CNTN4: variants seen among roughly 807,000 people sequenced by gnomAD.
CNTN4 encodes contactin-4.
A neutral mutation model predicts 122.5 loss-of-function variants in CNTN4; 77 were observed. The observed-to-expected ratio is 0.63, with a 90% CI of 0.52 to 0.76. The LOEUF (loss-of-function observed/expected upper bound fraction) is 0.76, where lower values mean the gene tolerates loss of function less well. Ranked by LOEUF, CNTN4 falls within the 30% of genes least tolerant of loss-of-function variation. CNTN4 has a pLI of 0.00. For missense variants in CNTN4, 1,256 were observed against 1,259.1 expected, an observed-to-expected ratio of 1.00 and a Z score of 0.04; for synonymous variants, 512 against 447.0, an observed-to-expected ratio of 1.15 and a Z score of -1.83.
At chr3:2,507,755 G>C (rs917372176) in intron 3 of CNTN4, among the ~76,000 whole-genome samples, 1 of 142,808 alleles carries the variant, frequency 7.0e-6, no homozygotes, top group Non-Finnish European at 1.5e-5. Context: ...AAAAAAGAAA[G>C]AAAGAAAAAA....
intron 6 of CNTN4, among the ~76,000 whole-genome samples, chr3:2,762,808 T>C (rs975673749): frequency 1.2e-4 from 18 of 152,154 alleles, no homozygotes. Context: ...ATATAAGTCT[T>C]CATTTTTCTC....
chr3:2,393,325 G>A (rs991112471), intron 3 of CNTN4, among the ~76,000 whole-genome samples: 1 of 152,118 alleles, frequency 6.6e-6, no homozygotes, highest in Admixed American at 6.6e-5. Flanking sequence ...GTCACATTCT[G>A]AGCTGCTGAA....
chr3:2,967,374 G>C (rs912141490), intron 13 of CNTN4, among the ~76,000 whole-genome samples: 1 of 152,146 alleles, frequency 6.6e-6, no homozygotes, highest in Non-Finnish European at 1.5e-5. Flanking sequence ...GCAGTTTGGG[G>C]AGGGAAGAAT....
At chr3:2,379,852 C>T (rs191162905) in intron 3 of CNTN4, among the ~76,000 whole-genome samples, 5 of 151,960 alleles carry the variant, frequency 3.3e-5, no homozygotes, top group Admixed American at 6.6e-5. Context: ...GTGGGGAGTT[C>T]GAGACCAACC....
At chr3:2,620,009 AC>A (rs1246538374) in intron 4 of CNTN4, among the ~76,000 whole-genome samples, 17 of 1,734 alleles carry the variant, frequency 9.8e-3, no homozygotes, top group Admixed American at 0.075. Flanking sequence ...TCAAATATGT[AC>A]CCAAGTAGTA....
intron 13 of CNTN4, among the ~76,000 whole-genome samples, chr3:2,931,212 GA>G (rs1204508435): frequency 1.3e-5 from 2 of 152,190 alleles, no homozygotes; most frequent in Non-Finnish European, 2.9e-5. Flanking sequence ...TCCTGAGAGT[GA>G]AAGAGAGAAG....
intron 2 of CNTN4, among the ~76,000 whole-genome samples, chr3:2,302,282 A>T (rs2150078591): frequency 6.6e-6 from 1 of 152,232 alleles, no homozygotes; most frequent in Admixed American, 6.5e-5. Context: ...TACAAAACTT[A>T]GCCGGCATGG....
intron 16 of CNTN4, among the ~76,000 whole-genome samples, chr3:3,032,202 G>A (rs1574874377): frequency 6.6e-6 from 1 of 152,174 alleles, no homozygotes; most frequent in Non-Finnish European, 1.5e-5. Context: ...TTATAGAAAT[G>A]TGTTTATTTC....
intron 6 of CNTN4, among the ~76,000 whole-genome samples, chr3:2,811,917 T>C (rs2092622381): frequency 6.6e-6 from 1 of 152,140 alleles, no homozygotes; most frequent in Non-Finnish European, 1.5e-5. Context: ...CTGCCTGCCT[T>C]GGCCTCCCAA....
chr3:2,258,809 A>C (rs2040705613), intron 2 of CNTN4, among the ~76,000 whole-genome samples: 1 of 151,932 alleles, frequency 6.6e-6, no homozygotes, highest in Non-Finnish European at 1.5e-5. Flanking sequence ...TTATTTATAT[A>C]TTGATTTCTT....
intron 3 of CNTN4, among the ~76,000 whole-genome samples, chr3:2,382,849 G>T (rs544006274): frequency 2.0e-5 from 3 of 152,168 alleles, no homozygotes; most frequent in Non-Finnish European, 4.4e-5. Context: ...CGAGGCGGGC[G>T]GATCACCTGA....
rs951192515 is a variant in CNTN4, at chr3:3,057,692, C to G, written c.*1472C>G. 15 of 152,426 alleles carry G rather than the reference C, an allele frequency of 9.8e-5. No homozygotes were observed. The highest frequency in any genetic ancestry group is 1.0e-4 in the Non-Finnish European group (7 of 68,010). The allele number at this position is 152,426 out of a possible 1,614,324, so 9.4% of individuals were successfully genotyped here. A position where few individuals can be genotyped will look rare whatever the true frequency, so the allele number is the denominator to read the frequency against. Reference sequence around the variant, plus strand: ...ATCCAATAAAGTCATAATCGGGATTCCATTTGTGTAAAAACTAGGGTGGTA... The same window carrying G: ...ATCCAATAAAGTCATAATCGGGATTGCATTTGTGTAAAAACTAGGGTGGTA... On this transcript the variant is annotated 3_prime_UTR_variant, in exon 25 of 25. Coordinates refer to ENST00000418658, the MANE Select transcript of CNTN4 (RefSeq NM_175607.3).
At chr3:2,846,889 A>G (rs1414697338) in intron 7 of CNTN4, among the ~76,000 whole-genome samples, 1 of 152,136 alleles carries the variant, frequency 6.6e-6, no homozygotes, top group Non-Finnish European at 1.5e-5. Flanking sequence ...CCAGCTACTC[A>G]GGAAGGCTGA....
intron 2 of CNTN4, among the ~76,000 whole-genome samples, chr3:2,175,886 CA>C (rs1338776900): frequency 1.1e-4 from 17 of 152,128 alleles, no homozygotes; most frequent in African/African-American, 3.9e-4. Context: ...GCAAAAAATT[CA>C]ATGTAAATAA....
At chr3:3,046,371 C>A (rs553603413) in intron 23 of CNTN4, among the ~76,000 whole-genome samples, 1 of 152,214 alleles carries the variant, frequency 6.6e-6, no homozygotes, top group East Asian at 1.9e-4. Flanking sequence ...TTAAGGGCAG[C>A]CAGAGAGAAA....
chr3:2,302,948 A>G (rs2042576790), intron 2 of CNTN4, among the ~76,000 whole-genome samples: 1 of 152,216 alleles, frequency 6.6e-6, no homozygotes, highest in African/African-American at 2.4e-5. Context: ...TGTTTTGTAT[A>G]ATGGTGGAGC....
intron 4 of CNTN4, among the ~76,000 whole-genome samples, chr3:2,656,360 A>G (rs1050193168): frequency 6.6e-6 from 1 of 152,244 alleles, no homozygotes; most frequent in South Asian, 2.1e-4. Context: ...AGTTATGTTT[A>G]TAATCCCAGA....
intron 4 of CNTN4, among the ~76,000 whole-genome samples, chr3:2,705,605 TTATATATTTATATATAATATATAAATA>T (rs2086637669): frequency 3.5e-5 from 1 of 28,354 alleles, no homozygotes; most frequent in Non-Finnish European, 6.2e-5. Context: ...TATATAAATT[TTATATATTTATATATAATATATAAATA>T]TATATATTAT....
chr3:2,970,345 C>A (rs1046295684), intron 13 of CNTN4, among the ~76,000 whole-genome samples: 4 of 152,176 alleles, frequency 2.6e-5, no homozygotes, highest in Non-Finnish European at 5.9e-5. Context: ...GATCTTACTG[C>A]CTCAGCTTCC....
Sources: gnomAD v4.1 joint callset for allele counts (sites outside exome capture counted in the v4.1 genomes callset) on GRCh38, gnomAD v4.1.1 for gene constraint, MANE v1.5 for transcripts, NCBI Gene and HGNC (gene_info 2026-07-23, HGNC 2026-07-21) for gene names.